ANO5: variants seen among roughly 807,000 people sequenced by gnomAD.
ANO5 encodes anoctamin-5.
A neutral mutation model predicts 121.0 loss-of-function variants in ANO5; 109 were observed. The observed-to-expected ratio is 0.90, with a 90% CI of 0.77 to 1.06. The LOEUF (loss-of-function observed/expected upper bound fraction) is 1.06, where lower values mean the gene tolerates loss of function less well. Ranked by LOEUF, ANO5 falls within the 50% of genes least tolerant of loss-of-function variation. The pLI, the probability that ANO5 is intolerant of heterozygous loss-of-function variation, is 0.00. For missense variants in ANO5, 1,064 were observed against 1,078.5 expected, an observed-to-expected ratio of 0.99 and a Z score of 0.19; for synonymous variants, 406 against 359.9, an observed-to-expected ratio of 1.13 and a Z score of -1.45.
chr11:22,278,921 G>A (rs1448732849), intron 21 of ANO5, among the ~76,000 whole-genome samples: 2 of 150,560 alleles, frequency 1.3e-5, no homozygotes, highest in Admixed American at 1.3e-4. Context: ...CCTCCACTGT[G>A]TCTGGTGCCC....
rs1053010594 is a variant in ANO5 at position 22,254,952 on chromosome 11, C to G, written c.1181-419C>G. Among the ~76,000 whole-genome samples, 7 of 152,018 alleles carry G rather than the reference C, an allele frequency of 4.6e-5. 1 individual carries two copies. The highest frequency in any genetic ancestry group is 3.9e-4 in the Admixed American group (6 of 15,238). ...AGAGTAATTGTGCTGGGGATTGGCT[C>G]TTATGCTTCCTAGGTATATTTCCCC... On this transcript the variant is annotated intron_variant, in intron 12 of 21. Coordinates refer to ENST00000324559, the MANE Select transcript of ANO5 (RefSeq NM_213599.3).
intron 1 of ANO5, among the ~76,000 whole-genome samples, chr11:22,203,314 A>G (rs1852018432): frequency 1.3e-5 from 2 of 152,136 alleles, no homozygotes; most frequent in Non-Finnish European, 2.9e-5. Context: ...GCAAACGACT[A>G]AATGCATTAC....
At chr11:22,268,694 G>A (rs1428921540) in intron 17 of ANO5, among the ~76,000 whole-genome samples, 2 of 152,096 alleles carry the variant, frequency 1.3e-5, no homozygotes, top group Admixed American at 6.5e-5. Flanking sequence ...GATTCTAAAG[G>A]AAATGCTTCA....
At chr11:22,274,456 AT>A in intron 19 of ANO5, 112 bp from the exon 20 acceptor site, 1 of 969,204 alleles carries the variant, frequency 1.0e-6, no homozygotes, top group South Asian at 1.8e-5. Context: ...TTATAATAGT[AT>A]TTAATCATTT....
intron 17 of ANO5, among the ~76,000 whole-genome samples, chr11:22,268,942 C>T (rs187856312): frequency 4.0e-5 from 6 of 151,888 alleles, no homozygotes; most frequent in East Asian, 1.9e-4. Context: ...AGGTCAAGGC[C>T]GCAGTGAGCT....
chr11:22,270,317 C>T lies in ANO5; in HGVS notation c.1904C>T (p.Ala635Val), dbSNP rs540339861. 5.6e-6 allele frequency: 9 copies of T among 1,614,068 alleles called. No homozygotes were observed. In the Admixed American group the frequency reaches 1.5e-4, roughly 27 times the overall value. ...ACTTTTATCACTTCCAACAGCTTGG[C>T]TTTGAATTGGTGGAGACGCCGAAAA... ...GNIKEAIYPL[A>V]LNWWRRRKAR... Residue 635 changes from alanine to valine, a missense_variant, in exon 18 of 22, where the codon GCT (alanine) becomes GTT (valine). Ala to Val is a moderately conservative substitution (Grantham distance 64). Transcript: ENST00000324559.
Position 22,211,326 on chromosome 11 carries a change from C to A in ANO5, c.138+12C>A. 9.9e-6 allele frequency: 16 copies of A among 1,610,926 alleles called. No individual in the cohort carries two copies. Among genetic ancestry groups the A allele is most frequent in the Non-Finnish European group, 1.4e-5 (16 of 1,177,644 alleles). ...ATGAAGAAACAATGGTAAGCAGCGA[C>A]CAGTACTATCCTTTCTTGCATGGAC... On this transcript the variant is annotated intron_variant, in intron 3 of 21. Transcript: ENST00000324559.
At chr11:22,247,407 A>G (rs1160525024) in intron 9 of ANO5, among the ~76,000 whole-genome samples, 1 of 150,458 alleles carries the variant, frequency 6.6e-6, no homozygotes, top group East Asian at 1.9e-4. Context: ...GATAATTTAG[A>G]TGGATATAAG....
At chr11:22,230,086 A>T (rs1294438050) in intron 7 of ANO5, among the ~76,000 whole-genome samples, 1 of 151,966 alleles carries the variant, frequency 6.6e-6, no homozygotes, top group African/African-American at 2.4e-5. Context: ...TAGATTTGTG[A>T]ATGTGTATAT....
intron 19 of ANO5, 136 bp from the exon 20 acceptor site, chr11:22,274,433 A>G (rs553652319): frequency 6.1e-6 from 5 of 823,226 alleles, no homozygotes; most frequent in Non-Finnish European, 9.1e-6. Flanking sequence ...AAAGACTTGC[A>G]TATTACTATG....
intron 9 of ANO5, among the ~76,000 whole-genome samples, chr11:22,245,802 T>C (rs973484156): frequency 1.3e-5 from 2 of 152,206 alleles, no homozygotes; most frequent in Non-Finnish European, 2.9e-5. Context: ...TGTCATTTTC[T>C]CATTGTGTGC....
chr11:22,264,475 T>TA (rs962759628), intron 17 of ANO5, among the ~76,000 whole-genome samples: 17 of 145,698 alleles, frequency 1.2e-4, no homozygotes, highest in Admixed American at 4.7e-4. Flanking sequence ...AAAAAAATTT[T>TA]AAAAAAAAAA....
chr11:22,261,061 C>T (rs961519055), intron 15 of ANO5: 1 of 152,172 alleles, frequency 6.6e-6, no homozygotes, highest in Non-Finnish European at 1.5e-5. Flanking sequence ...CATGAGCTTA[C>T]TTTCTTTAAA....
chr11:22,278,852 C>G (rs1279540523), intron 21 of ANO5, among the ~76,000 whole-genome samples: 1 of 150,874 alleles, frequency 6.6e-6, no homozygotes, highest in African/African-American at 2.4e-5. Context: ...ATGTATCTCA[C>G]AGTTCATTGT....
intron 19 of ANO5, among the ~76,000 whole-genome samples, chr11:22,274,032 T>G (rs1854736007): frequency 6.6e-6 from 1 of 152,068 alleles, no homozygotes; most frequent in Non-Finnish European, 1.5e-5. Context: ...ATTTATACTA[T>G]TCCAGAACTT....
intron 12 of ANO5, among the ~76,000 whole-genome samples, chr11:22,254,155 A>T (rs1853915385): frequency 6.6e-6 from 1 of 152,186 alleles, no homozygotes; most frequent in Non-Finnish European, 1.5e-5. Flanking sequence ...CAACAGTCAG[A>T]TGATAGGTAT....
intron 12 of ANO5, 68 bp downstream of exon 12, chr11:22,251,079 A>G: frequency 1.4e-6 from 2 of 1,413,830 alleles, no homozygotes; most frequent in East Asian, 2.3e-5. Flanking sequence ...TCCATATAAC[A>G]TATGACAGAT....
At chr11:22,211,130 G>T in intron 2 of ANO5, 134 bp from the exon 3 acceptor site, 1 of 949,214 alleles carries the variant, frequency 1.1e-6, no homozygotes, top group South Asian at 1.3e-5. Flanking sequence ...CCACAGTTTT[G>T]CATATGATTT....
rs139428031 is a variant in ANO5, at chr11:22,279,153, G to T, written c.2521-391G>T. Among the ~76,000 whole-genome samples the T allele has an allele frequency of 1.4e-4, 22 of 151,886 alleles. No individual in the cohort carries two copies. The East Asian group carries it at 4.1e-3, about 28-fold the overall frequency. On this transcript the variant is annotated intron_variant, in intron 21 of 21. Coordinates refer to ENST00000324559, the MANE Select transcript of ANO5 (RefSeq NM_213599.3). ...ATTGCCTTCTTTCCTGAACTTTTGT[G>T]ACCATCTGAAACAAAATTGGCTTTT...
Sources: allele counts gnomAD v4.1 joint callset (sites outside exome capture counted in the v4.1 genomes callset), GRCh38; gene constraint gnomAD v4.1.1; transcripts MANE v1.5; gene names NCBI Gene and HGNC (gene_info 2026-07-23, HGNC 2026-07-21).